GPC6: variants seen among roughly 807,000 people sequenced by gnomAD.
GPC6 encodes the protein glypican 6, also known as glypican-6.
In GPC6, 14 loss-of-function variants were observed where a neutral mutation model predicts 55.2. The observed-to-expected ratio is 0.25, with a 90% confidence interval of 0.17 to 0.40. The LOEUF is 0.40. Ranked by LOEUF, GPC6 falls within the 10% of genes least tolerant of loss-of-function variation. The probability of loss-of-function intolerance (pLI) is 1.00; values close to 1 mark genes in which losing one functional copy is unlikely to be tolerated. For synonymous variants in GPC6, 278 were observed against 259.6 expected (o/e 1.07, Z -0.68); for missense variants, 641 against 708.5 (o/e 0.90, Z 1.08).
intron 4 of GPC6, among the ~76,000 whole-genome samples, chr13:94,171,126 G>A (rs746894301): frequency 6.6e-6 from 1 of 152,120 alleles, no homozygotes; most frequent in Non-Finnish European, 1.5e-5. Context: ...CAACCTGTTA[G>A]CCTCTTTGGT....
chr13:93,848,676 C>T (rs1888286299), intron 3 of GPC6, among the ~76,000 whole-genome samples: 1 of 152,094 alleles, frequency 6.6e-6, no homozygotes, highest in Non-Finnish European at 1.5e-5. Flanking sequence ...AAGAGGTTGA[C>T]AAGTCTGAAG....
intron 1 of GPC6, among the ~76,000 whole-genome samples, chr13:93,327,752 T>A (rs977470166): frequency 2.7e-5 from 4 of 147,334 alleles, no homozygotes; most frequent in Non-Finnish European, 6.0e-5. Flanking sequence ...CAAATTAAAA[T>A]TATATATAAT....
chr13:94,039,821 G>A (rs964060419), intron 4 of GPC6, among the ~76,000 whole-genome samples: 2 of 151,760 alleles, frequency 1.3e-5, no homozygotes, highest in African/African-American at 4.8e-5. Flanking sequence ...AAATCATACT[G>A]CCTTTACCCC....
chr13:93,586,958 C>T (rs1356142089), intron 2 of GPC6, among the ~76,000 whole-genome samples: 1 of 152,040 alleles, frequency 6.6e-6, no homozygotes, highest in African/African-American at 2.4e-5. Flanking sequence ...ATGTGTTTTT[C>T]ATTATGTGAT....
chr13:94,325,204 T>G (rs1459332400), intron 6 of GPC6, among the ~76,000 whole-genome samples: 1 of 142,626 alleles, frequency 7.0e-6, no homozygotes, highest in Non-Finnish European at 1.5e-5. Context: ...AGAAGAAAGA[T>G]ATGTTCCTTT....
At chr13:93,727,080 T>C (rs1009369944) in intron 2 of GPC6, among the ~76,000 whole-genome samples, 2 of 152,130 alleles carry the variant, frequency 1.3e-5, no homozygotes, top group African/African-American at 4.8e-5. Flanking sequence ...GGAACAAATA[T>C]TTACTGACAC....
At chr13:93,753,950 G>C (rs534165317) in intron 2 of GPC6, among the ~76,000 whole-genome samples, 2 of 152,200 alleles carry the variant, frequency 1.3e-5, no homozygotes, top group African/African-American at 4.8e-5. Flanking sequence ...CCTGGCCTAG[G>C]AATATGGTTT....
intron 4 of GPC6, among the ~76,000 whole-genome samples, chr13:94,248,636 T>G (rs61964492): frequency 1.3e-5 from 2 of 152,002 alleles, no homozygotes; most frequent in South Asian, 4.1e-4. Flanking sequence ...CAAAAAAATT[T>G]CCATACAACT....
intron 4 of GPC6, among the ~76,000 whole-genome samples, chr13:94,198,339 A>G (rs982319239): frequency 1.3e-5 from 2 of 152,186 alleles, no homozygotes; most frequent in Non-Finnish European, 2.9e-5. Flanking sequence ...TCTTTTTATG[A>G]ATAAGTAACT....
At chr13:93,713,257 A>G (rs1428814044) in intron 2 of GPC6, among the ~76,000 whole-genome samples, 1 of 151,622 alleles carries the variant, frequency 6.6e-6, no homozygotes, top group Admixed American at 6.6e-5. Flanking sequence ...AGTAAACTCT[A>G]GGAGCTACAG....
intron 2 of GPC6, among the ~76,000 whole-genome samples, chr13:93,625,453 C>T (rs747501407): frequency 6.6e-6 from 1 of 152,166 alleles, no homozygotes; most frequent in African/African-American, 2.4e-5. Flanking sequence ...CCGGTGAGAT[C>T]CTACCTCCTT....
At chr13:93,793,075 C>A (rs1025961868) in intron 2 of GPC6, among the ~76,000 whole-genome samples, 2 of 152,154 alleles carry the variant, frequency 1.3e-5, no homozygotes, top group African/African-American at 2.4e-5. Context: ...TATTAAAATG[C>A]AAGGCATTCT....
chr13:93,450,852 A>G (rs886965706), intron 1 of GPC6: 2 of 218,994 alleles, frequency 9.1e-6, no homozygotes, highest in African/African-American at 2.3e-5. Flanking sequence ...TGGCATACAT[A>G]GAAGAGTTAA....
intron 4 of GPC6, among the ~76,000 whole-genome samples, chr13:94,095,208 C>T (rs544186194): frequency 2.6e-5 from 4 of 151,982 alleles, no homozygotes; most frequent in Non-Finnish European, 4.4e-5. Flanking sequence ...TATTTAAATC[C>T]GTGAGTTTTT....
At chr13:93,817,877 GATA>G (rs1886910712) in intron 2 of GPC6, among the ~76,000 whole-genome samples, 1 of 148,702 alleles carries the variant, frequency 6.7e-6, no homozygotes, top group Non-Finnish European at 1.5e-5. Context: ...TGTATAGATA[GATA>G]GATAGATAGA....
intron 1 of GPC6, among the ~76,000 whole-genome samples, chr13:93,412,155 G>C (rs1427462838): frequency 1.3e-5 from 2 of 152,056 alleles, no homozygotes; most frequent in African/African-American, 4.8e-5. Flanking sequence ...AATAAGTGGA[G>C]AGGACTCTAC....
intron 1 of GPC6, among the ~76,000 whole-genome samples, chr13:93,255,218 G>A (rs1271144786): frequency 2.0e-5 from 3 of 152,102 alleles, no homozygotes; most frequent in Non-Finnish European, 4.4e-5. Context: ...TTTTATTGAT[G>A]CATAATAGCT....
intron 6 of GPC6, among the ~76,000 whole-genome samples, chr13:94,337,168 G>T (rs986108997): frequency 2.0e-5 from 3 of 152,158 alleles, no homozygotes; most frequent in Admixed American, 2.0e-4. Flanking sequence ...AAATGATACA[G>T]AACTCTTTGG....
intron 4 of GPC6, among the ~76,000 whole-genome samples, chr13:94,107,267 T>A (rs1886089392): frequency 6.6e-6 from 1 of 152,154 alleles, no homozygotes; most frequent in Non-Finnish European, 1.5e-5. Context: ...CCTTCTGCAG[T>A]AAAGCGGCAT....
Sources: allele counts gnomAD v4.1 joint callset (sites outside exome capture counted in the v4.1 genomes callset), GRCh38; gene constraint gnomAD v4.1.1; transcripts MANE v1.5; gene names NCBI Gene and HGNC (gene_info 2026-07-23, HGNC 2026-07-21).